ZNF91: variants seen among roughly 807,000 people sequenced by gnomAD.
The protein encoded by ZNF91 is zinc finger protein 91 (HPF7, HTF10).
A neutral mutation model predicts 12.6 loss-of-function variants in ZNF91; 7 were observed. The observed-to-expected ratio is 0.55, with a 90% confidence interval of 0.31 to 1.04. The LOEUF (loss-of-function observed/expected upper bound fraction) is 1.04. Among genes scored for constraint, ZNF91 ranks in the 50% least tolerant of loss-of-function variants. ZNF91 has a pLI of 0.05. For missense variants in ZNF91, 1,217 were observed against 1,385.4 expected, an observed-to-expected ratio of 0.88 and a Z score of 1.93; for synonymous variants, 453 against 462.6, an observed-to-expected ratio of 0.98 and a Z score of 0.27.
chr19:23,322,699 TC>T (rs1219669054), intron 1 of ZNF91, among the ~76,000 whole-genome samples: 4 of 148,908 alleles, frequency 2.7e-5, no homozygotes, highest in African/African-American at 1.0e-4. Context: ...TTTCGTCTTC[TC>T]CTCCTCACTT....
intron 1 of ZNF91, among the ~76,000 whole-genome samples, chr19:23,378,569 T>C (rs548790358): frequency 1.3e-5 from 2 of 152,296 alleles, no homozygotes; most frequent in African/African-American, 2.4e-5. Flanking sequence ...TTTAAACAAA[T>C]CCCTTAAGGT....
intron 3 of ZNF91, among the ~76,000 whole-genome samples, chr19:23,341,450 C>T (rs1968122771): frequency 6.6e-6 from 1 of 152,096 alleles, no homozygotes; most frequent in Non-Finnish European, 1.5e-5. Flanking sequence ...TTTATTGCAG[C>T]ATGCTCACAA....
intron 3 of ZNF91, among the ~76,000 whole-genome samples, chr19:23,351,706 T>C (rs11882462): frequency 1.3e-5 from 2 of 152,176 alleles, no homozygotes; most frequent in African/African-American, 4.8e-5. Flanking sequence ...ACCACCTTCA[T>C]CTTGAGAATG....
chr19:23,340,553 C>CA (rs563559310), intron 3 of ZNF91, among the ~76,000 whole-genome samples: 51 of 151,902 alleles, frequency 3.4e-4, no homozygotes, highest in African/African-American at 1.2e-3. Context: ...AATGTCTTGA[C>CA]AAAGAAAAGC....
intron 1 of ZNF91, chr19:23,327,933 C>T (rs1042127909): frequency 1.3e-5 from 2 of 152,080 alleles, no homozygotes; most frequent in African/African-American, 4.8e-5. Context: ...TTTCAAAGAA[C>T]GATTTTTGTG....
Position 23,361,193 on chromosome 19 carries a change from G to C in ZNF91, c.1786C>G (p.His596Asp). ...CACTTGTAAGACTTCTCTCCAGTATGAATTATCTTATGTGTAGAAAGACTT... is the reference window on the plus strand; with the variant it reads ...CACTTGTAAGACTTCTCTCCAGTATCAATTATCTTATGTGTAGAAAGACTT... The part of the protein sequence containing the change: ...SSSLSTHKII[H>D]TGEKSYKCEE... The change falls in exon 4 of 4, where the codon CAT becomes GAT. Residue 596 changes from histidine to aspartate, a missense_variant. Physicochemically the swap from His to Asp is moderately conservative, Grantham distance 81. This residue lies in a region of ZNF91 where 726 missense variants were observed against 895.5 expected (regional missense o/e 0.81). Coordinates refer to ENST00000300619, the MANE Select transcript of ZNF91 (RefSeq NM_003430.4). 1.2e-6 allele frequency: 2 copies of C among 1,613,480 alleles called. No individual in the cohort carries two copies. Among genetic ancestry groups the C allele is most frequent in the Non-Finnish European group, 1.7e-6 (2 of 1,179,796 alleles).
chr19:23,306,240 ACT>A (rs1967397085), intron 3 of ZNF91, among the ~76,000 whole-genome samples: 1 of 152,160 alleles, frequency 6.6e-6, no homozygotes, highest in African/African-American at 2.4e-5. Flanking sequence ...ACAGGTGTTG[ACT>A]CTCATACCTA....
intron 1 of ZNF91, chr19:23,309,154 G>C (rs1001975166): frequency 5.3e-5 from 8 of 151,104 alleles, no homozygotes; most frequent in African/African-American, 1.9e-4. Flanking sequence ...TGAGCACCTA[G>C]GTAATGTAAC....
chr19:23,395,436 A>C lies in ZNF91; in HGVS notation c.-82T>G, dbSNP rs1970204551. On this transcript the variant is annotated 5_prime_UTR_variant, in exon 1 of 4. Coordinates refer to ENST00000300619, the MANE Select transcript of ZNF91 (RefSeq NM_003430.4). ...TGGAGCAGAGGACACAGAGCAGTGA[A>C]GTCGAGACCTGGAAACTCCGGCGGC... 1 of 1,541,304 alleles carries C rather than the reference A, an allele frequency of 6.5e-7. No individual in the cohort carries two copies. Among genetic ancestry groups the C allele is most frequent in the Non-Finnish European group, 8.8e-7 (1 of 1,132,068 alleles).
At chr19:23,364,849 T>C (rs557011143) in intron 3 of ZNF91, among the ~76,000 whole-genome samples, 16 of 152,244 alleles carry the variant, frequency 1.1e-4, no homozygotes, top group African/African-American at 2.4e-4. Flanking sequence ...GATAATTCTA[T>C]TGGAAAAAGA....
downstream of ZNF91, chr19:23,338,133 TAC>T (rs777601971): frequency 3.3e-5 from 5 of 152,028 alleles, no homozygotes; most frequent in Non-Finnish European, 5.9e-5. Flanking sequence ...TAGACATACA[TAC>T]ACAGGAAGCT....
intron 1 of ZNF91, among the ~76,000 whole-genome samples, chr19:23,332,425 G>A (rs895252225): frequency 4.6e-5 from 7 of 151,930 alleles, no homozygotes; most frequent in South Asian, 2.1e-4. Flanking sequence ...CAGGATTCAC[G>A]TGAGAAAACA....
At chr19:23,373,437 T>C (rs914838031) in intron 3 of ZNF91, among the ~76,000 whole-genome samples, 1 of 147,730 alleles carries the variant, frequency 6.8e-6, no homozygotes, top group African/African-American at 2.5e-5. Flanking sequence ...ACTCAGTTAA[T>C]TAGCAAAATG....
chr19:23,389,328 C>G (rs1969984613), intron 1 of ZNF91, among the ~76,000 whole-genome samples: 1 of 151,802 alleles, frequency 6.6e-6, no homozygotes, highest in Non-Finnish European at 1.5e-5. Flanking sequence ...GACAAAACAG[C>G]CTGCTGCTGC....
At chr19:23,349,015 C>T (rs1396407630) in intron 3 of ZNF91, among the ~76,000 whole-genome samples, 3 of 152,110 alleles carry the variant, frequency 2.0e-5, no homozygotes, top group African/African-American at 7.2e-5. Flanking sequence ...TGGGAAATTC[C>T]AGCCTAGTGA....
intron 1 of ZNF91, among the ~76,000 whole-genome samples, chr19:23,316,182 T>G (rs1967554358): frequency 6.6e-6 from 1 of 151,462 alleles, no homozygotes; most frequent in East Asian, 2.0e-4. Context: ...TTTTTTTTTT[T>G]GCCTGGTCCC....
At chr19:23,356,918 A>T (rs1480709772), downstream of ZNF91, among the ~76,000 whole-genome samples, 1 of 151,976 alleles carries the variant, frequency 6.6e-6, no homozygotes, top group Non-Finnish European at 1.5e-5. Context: ...ACATGGTGAA[A>T]CCCTGTCTCT....
intron 1 of ZNF91, chr19:23,385,278 G>C: frequency 2.0e-6 from 1 of 495,940 alleles, no homozygotes; most frequent in Non-Finnish European, 3.6e-6. Context: ...TGAATGTCAC[G>C]GAAAAAAATA....
At chr19:23,336,582 T>C (rs1300122458), downstream of ZNF91, among the ~76,000 whole-genome samples, 1 of 152,230 alleles carries the variant, frequency 6.6e-6, no homozygotes, top group Admixed American at 6.5e-5. Context: ...GGTAGCTCCT[T>C]TTCCTATTAG....
Sources: gnomAD v4.1 joint callset for allele counts (sites outside exome capture counted in the v4.1 genomes callset) on GRCh38, gnomAD v4.1.1 for gene constraint, gnomAD v4.1.1 regional missense constraint, MANE v1.5 for transcripts, NCBI Gene and HGNC (gene_info 2026-07-23, HGNC 2026-07-21) for gene names.